KCNV1: variants seen among roughly 807,000 people sequenced by gnomAD.
The protein encoded by KCNV1 is potassium voltage-gated channel modifier subfamily V member 1.
Under a neutral mutation model 36.4 loss-of-function variants are expected in KCNV1, and 2 were observed. The ratio of observed to expected loss-of-function variants is 0.05; its 90% CI spans 0.02 to 0.17. KCNV1 has a LOEUF of 0.17. KCNV1 is among the 10% of genes least tolerant of loss of function. The probability of loss-of-function intolerance (pLI) is 1.00; values close to 1 mark genes in which losing one functional copy is unlikely to be tolerated. For missense variants in KCNV1, 321 were observed against 643.6 expected (o/e 0.50, Z 5.42); for synonymous variants, 280 against 261.1 (o/e 1.07, Z -0.70).
intron 3 of KCNV1, among the ~76,000 whole-genome samples, chr8:109,971,970 T>C (rs528993863): frequency 1.3e-5 from 2 of 152,344 alleles, no homozygotes; most frequent in Non-Finnish European, 2.9e-5. Flanking sequence ...TTAATTTTTG[T>C]ATATCTTCTG....
At position 109,974,899 on chromosome 8, in the gene KCNV1, C is replaced by G. The variant is rs1820062162; in HGVS notation, c.-511G>C. ...TCTTAGCTGAACGCAAGCAAGCAAG[C>G]AAGCAAGGGGGATGGCGAGACTCAC... On this transcript the variant is annotated 5_prime_UTR_variant, in exon 2 of 4. Coordinates refer to ENST00000524391, the MANE Select transcript of KCNV1 (RefSeq NM_014379.4). This position sits in a 1 kb window ranked among gnomAD's most constrained non-coding sequence, Gnocchi z 6.2. The G allele has an allele frequency of 6.3e-6, 1 of 158,050 alleles. No individual in the cohort carries two copies. The allele number at this position is 158,050 out of a possible 1,614,324, so 9.8% of individuals were successfully genotyped here. A position where few individuals can be genotyped will look rare whatever the true frequency, so the allele number is the denominator to read the frequency against.
In KCNV1 at chr8:109,966,510, C is replaced by A. The variant is rs1347792362; in HGVS notation, c.*1578G>T. ...AAAATGTTTTCAGAGCTTAACCATG[C>A]ATACCAGAAAACAGGAGGTAGTACA... is the stretch of plus-strand genomic sequence containing the variant. On this transcript the variant is annotated 3_prime_UTR_variant, in exon 4 of 4. Coordinates refer to ENST00000524391, the MANE Select transcript of KCNV1 (RefSeq NM_014379.4). The A allele has an allele frequency of 6.6e-6, 1 of 152,152 alleles. No individual in the cohort carries two copies. Among genetic ancestry groups the A allele is most frequent in the African/African-American group, 2.4e-5 (1 of 41,424 alleles). The allele number at this position is 152,152 out of a possible 1,614,324, so 9.4% of individuals were successfully genotyped here. A position where few individuals can be genotyped will look rare whatever the true frequency, so the allele number is the denominator to read the frequency against.
chr8:109,972,838 A>C lies in KCNV1; in HGVS notation c.462-51T>G. On this transcript the variant is annotated intron_variant, in intron 2 of 3. Transcript: ENST00000524391. The surrounding 1 kb of genome is among the most constrained non-coding windows in gnomAD (Gnocchi z 5.2). Reference sequence around the variant, plus strand: ...TAGTCTAACTTTATTAAAATACAGAAGTATAAGATAATTAAACATGGCAGG... The same window carrying C: ...TAGTCTAACTTTATTAAAATACAGACGTATAAGATAATTAAACATGGCAGG... 1 of 1,394,920 alleles carries C rather than the reference A, an allele frequency of 7.2e-7. No homozygotes were observed. Among genetic ancestry groups the C allele is most frequent in the Non-Finnish European group, 9.7e-7 (1 of 1,033,384 alleles). 86.4% of individuals were successfully genotyped at this position (1,394,920 alleles called of 1,614,324 possible).
intron 3 of KCNV1, among the ~76,000 whole-genome samples, chr8:109,971,056 A>T: frequency 6.6e-6 from 1 of 152,260 alleles, no homozygotes; most frequent in East Asian, 1.9e-4. Flanking sequence ...CCTGACATTT[A>T]TAGGAAGGAC....
At chr8:109,973,324 A>G (rs912493897) in intron 2 of KCNV1, among the ~76,000 whole-genome samples, 6 of 152,214 alleles carry the variant, frequency 3.9e-5, no homozygotes, top group Non-Finnish European at 5.9e-5. Context: ...GTAGAAGTGT[A>G]TACATAGTAA....
Position 109,974,040 on chromosome 8 carries a change from A to C in KCNV1, c.349T>G (p.Tyr117Asp). ...SQAFRYVLHY[Y>D]RTGRLHVMEQ... is the part of the protein sequence containing the mutation. ...ATGACATGCAGGCGGCCGGTGCGGT[A>C]GTAGTGCAGGACATATCGGAACGCC... The change falls in exon 2 of 4, where the codon TAC becomes GAC. Residue 117 changes from tyrosine (Y) to aspartate (D), a missense_variant. Tyr to Asp is a radical substitution (Grantham distance 160). Transcript: ENST00000524391. This position sits in a 1 kb window ranked among gnomAD's most constrained non-coding sequence, Gnocchi z 6.2. The C allele has an allele frequency of 6.2e-7, 1 of 1,613,398 alleles. No individual in the cohort carries two copies. The highest frequency in any genetic ancestry group is 8.5e-7 in the Non-Finnish European group (1 of 1,179,942).
chr8:109,969,112 C>A lies in KCNV1; in HGVS notation c.992-513G>T, dbSNP rs1003417451. On this transcript the variant is annotated intron_variant, in intron 3 of 3. Transcript: ENST00000524391. ...TTGTAAAGTTTAAGACAATCAGGAA[C>A]CTGATTACAGGAAAGCCAGAAAAAG... 4.6e-5 allele frequency among the ~76,000 whole-genome samples: 7 copies of A among 152,250 alleles called. No homozygotes were observed. The East Asian group carries it at 1.4e-3, about 29-fold the overall frequency.
rs1275893849 is a variant in KCNV1, at chr8:109,966,540, A to G, written c.*1548T>C. 6.6e-6 allele frequency: 1 copy of G among 152,206 alleles called. No homozygotes were observed. Among genetic ancestry groups the G allele is most frequent in the Non-Finnish European group, 1.5e-5 (1 of 68,030 alleles). 9.4% of individuals were successfully genotyped at this position (152,206 alleles called of 1,614,324 possible). The stretch of plus-strand genomic sequence containing the variant: ...CAGAAAACAGGAGGTAGTACATGCG[A>G]TATTTCATTGATTTTAAGGTGCTTA... On this transcript the variant is annotated 3_prime_UTR_variant, in exon 4 of 4. Coordinates refer to ENST00000524391, the MANE Select transcript of KCNV1 (RefSeq NM_014379.4).
Position 109,972,616 on chromosome 8 carries a change from G to C in KCNV1, c.633C>G (p.Ile211Met). 6.2e-7 allele frequency: 1 copy of C among 1,614,172 alleles called. No homozygotes were observed. The highest frequency in any genetic ancestry group is 8.5e-7 in the Non-Finnish European group (1 of 1,180,048). The change falls in exon 3 of 4, where the codon ATC becomes ATG. Residue 211 changes from isoleucine (I) to methionine (M), a missense_variant. By Grantham distance (10) the Ile-to-Met change is conservative. Coordinates refer to ENST00000524391, the MANE Select transcript of KCNV1 (RefSeq NM_014379.4). The surrounding 1 kb of genome is among the most constrained non-coding windows in gnomAD (Gnocchi z 5.2). ...CGAAGATAATGGAGATGACGCCAAA[G>C]ATACGGGCAGCTGTGGAAGATCCAG... is the stretch of plus-strand genomic sequence containing the variant. ...EKPGSSTAAR[I>M]FGVISIIFVV... is the part of the protein sequence containing the mutation.
At position 109,973,944 on chromosome 8, in the gene KCNV1, A is replaced by T; in HGVS notation, c.445T>A (p.Ser149Thr). ...YWGIDELSID[S>T]CCRDRYFRRK... ...CCGGGGTACCTGTCCCTGCAGCAGG[A>T]ATCGATGCTGAGCTCATCGATGCCC... The change falls in exon 2 of 4, where the codon TCC becomes ACC. Residue 149 changes from serine (S) to threonine (T), a missense_variant. Physicochemically the swap from Ser to Thr is moderately conservative, Grantham distance 58. Transcript: ENST00000524391. The T allele has an allele frequency of 6.2e-7, 1 of 1,605,328 alleles. No individual in the cohort carries two copies. The highest frequency in any genetic ancestry group is 8.5e-7 in the Non-Finnish European group (1 of 1,175,008).
intron 3 of KCNV1, among the ~76,000 whole-genome samples, chr8:109,971,620 CCTCT>C (rs1442724364): frequency 4.6e-5 from 7 of 151,596 alleles, no homozygotes; most frequent in African/African-American, 1.7e-4. Context: ...TCTGTATTCC[CCTCT>C]CTCATACATC....
chr8:109,968,061 GC>G lies in KCNV1; in HGVS notation c.*26del, dbSNP rs764920164. 1.3e-6 allele frequency: 2 copies of G among 1,588,602 alleles called. No homozygotes were observed. The highest frequency in any genetic ancestry group is 4.5e-5 in the East Asian group (2 of 44,626). ...TTATCATTTTAGTTAATTGTACATA[GC>G]TTTTGTAAATAAATTGAAAATTAAT... is the stretch of plus-strand genomic sequence containing the variant. On this transcript the variant is annotated 3_prime_UTR_variant, in exon 4 of 4. Coordinates refer to ENST00000524391, the MANE Select transcript of KCNV1 (RefSeq NM_014379.4). The surrounding 1 kb of genome is among the most constrained non-coding windows in gnomAD (Gnocchi z 5.3).
rs1364303558 is a variant in KCNV1 at position 109,974,521 on chromosome 8, C to G, written c.-133G>C. ...CCGGGCTCCCGAAGGGGTTACCTCT[C>G]CTTGGCGCACCCTCTCCACCCGCTG... On this transcript the variant is annotated 5_prime_UTR_variant, in exon 2 of 4. Transcript: ENST00000524391. This position sits in a 1 kb window ranked among gnomAD's most constrained non-coding sequence, Gnocchi z 6.2. 7.8e-6 allele frequency: 5 copies of G among 643,156 alleles called. No individual in the cohort carries two copies. The Admixed American group carries it at 9.0e-5, about 12-fold the overall frequency. 39.8% of individuals were successfully genotyped at this position (643,156 alleles called of 1,614,324 possible). A position where few individuals can be genotyped will look rare whatever the true frequency, so the allele number is the denominator to read the frequency against.
chr8:109,964,989 A>C lies in KCNV1; in HGVS notation c.*3099T>G, dbSNP rs1399458690. 6.6e-6 allele frequency: 1 copy of C among 152,208 alleles called. No homozygotes were observed. The highest frequency in any genetic ancestry group is 1.5e-5 in the Non-Finnish European group (1 of 68,028). 9.4% of individuals were successfully genotyped at this position (152,208 alleles called of 1,614,324 possible). A position where few individuals can be genotyped will look rare whatever the true frequency, so the allele number is the denominator to read the frequency against. Reference sequence around the variant, plus strand: ...CCCGCACATGTATCCCTGAACTTAAAATAACAGTTAAATTAACAAAGAAAG... The same window carrying C: ...CCCGCACATGTATCCCTGAACTTAACATAACAGTTAAATTAACAAAGAAAG... On this transcript the variant is annotated 3_prime_UTR_variant, in exon 4 of 4. Transcript: ENST00000524391.
At position 109,963,869 on chromosome 8, in the gene KCNV1, A is replaced by C. The variant is rs1819914494; in HGVS notation, c.*4219T>G. ...ATAGAGATACCTCAGTAATTTCTTA[A>C]AATTGCTTTTTTAGGTACTTAAGCA... On this transcript the variant is annotated 3_prime_UTR_variant, in exon 4 of 4. Coordinates refer to ENST00000524391, the MANE Select transcript of KCNV1 (RefSeq NM_014379.4). 6.6e-6 allele frequency: 1 copy of C among 152,196 alleles called. No homozygotes were observed. The highest frequency in any genetic ancestry group is 2.1e-4 in the South Asian group (1 of 4,834). The allele number at this position is 152,196 out of a possible 1,614,324, so 9.4% of individuals were successfully genotyped here.
rs777996260 is a variant in KCNV1, at chr8:109,968,169, C to T, written c.1422G>A (p.Arg474=). Residue 474 remains arginine, a synonymous_variant, in exon 4 of 4, where the codon CGG becomes CGA. Coordinates refer to ENST00000524391, the MANE Select transcript of KCNV1 (RefSeq NM_014379.4). The surrounding 1 kb of genome is among the most constrained non-coding windows in gnomAD (Gnocchi z 5.3). ...TCAGTCGCAGCATCTCCATGATACT[C>T]CGGGCATAGACATCTCTCAAGTTAA... ...ISVNLRDVYA[R]SIMEMLRLKG... 4.3e-6 allele frequency: 7 copies of T among 1,614,182 alleles called. No homozygotes were observed. Among genetic ancestry groups the T allele is most frequent in the Non-Finnish European group, 5.9e-6 (7 of 1,180,014 alleles).
At position 109,972,151 on chromosome 8, in the gene KCNV1, T is replaced by C. The variant is rs1587136930; in HGVS notation, c.991+107A>G. 7 of 1,146,052 alleles carry C rather than the reference T, an allele frequency of 6.1e-6. No individual in the cohort carries two copies. The East Asian group carries it at 1.5e-4, about 24-fold the overall frequency. 71.0% of individuals were successfully genotyped at this position (1,146,052 alleles called of 1,614,324 possible). A position where few individuals can be genotyped will look rare whatever the true frequency, so the allele number is the denominator to read the frequency against. On this transcript the variant is annotated intron_variant, in intron 3 of 3. Coordinates refer to ENST00000524391, the MANE Select transcript of KCNV1 (RefSeq NM_014379.4). The surrounding 1 kb of genome is among the most constrained non-coding windows in gnomAD (Gnocchi z 5.2). Reference sequence around the variant, plus strand: ...GTCATGATCAGGTAAAGTATGGGAGTTGGTAATTTTGAATATCAGTTCAGC... The same window carrying C: ...GTCATGATCAGGTAAAGTATGGGAGCTGGTAATTTTGAATATCAGTTCAGC...
In KCNV1 at chr8:109,968,068, T is replaced by C; in HGVS notation, c.*20A>G. 6.3e-7 allele frequency: 1 copy of C among 1,594,510 alleles called. No homozygotes were observed. Among genetic ancestry groups the C allele is most frequent in the Non-Finnish European group, 8.5e-7 (1 of 1,169,598 alleles). ...TTTAGTTAATTGTACATAGCTTTTG[T>C]AAATAAATTGAAAATTAATTCAAAA... On this transcript the variant is annotated 3_prime_UTR_variant, in exon 4 of 4. Coordinates refer to ENST00000524391, the MANE Select transcript of KCNV1 (RefSeq NM_014379.4). This position sits in a 1 kb window ranked among gnomAD's most constrained non-coding sequence, Gnocchi z 5.3.
chr8:109,969,764 G>A (rs1313258798), intron 3 of KCNV1, among the ~76,000 whole-genome samples: 1 of 151,200 alleles, frequency 6.6e-6, no homozygotes, highest in Non-Finnish European at 1.5e-5. Flanking sequence ...AGAATAACTT[G>A]AACCTGGGAG....
Sources: gnomAD v4.1 joint callset for allele counts (sites outside exome capture counted in the v4.1 genomes callset) on GRCh38, gnomAD v4.1.1 for gene constraint, Gnocchi (gnomAD v3.1) non-coding constraint, MANE v1.5 for transcripts, NCBI Gene and HGNC (gene_info 2026-07-23, HGNC 2026-07-21) for gene names.